The following COG5 variants were observed in gnomAD, a reference collection of about 807,000 sequenced individuals.
COG5 encodes the protein component of oligomeric golgi complex 5.
COG5 carries 86 observed loss-of-function variants against 110.4 expected under a neutral mutation model. That is an observed-to-expected ratio of 0.78 (90% CI 0.65 to 0.93). The LOEUF (loss-of-function observed/expected upper bound fraction) is 0.93. Ranked by LOEUF, COG5 falls within the 40% of genes least tolerant of loss-of-function variation. The pLI is 0.00. For missense variants in COG5, 1,077 were observed against 987.0 expected, an observed-to-expected ratio of 1.09 and a Z score of -1.22; for synonymous variants, 360 against 334.6, an observed-to-expected ratio of 1.08 and a Z score of -0.83.
At chr7:107,265,817 G>T (rs1221483625) in intron 14 of COG5, among the ~76,000 whole-genome samples, 1 of 152,140 alleles carries the variant, frequency 6.6e-6, no homozygotes, top group Non-Finnish European at 1.5e-5. Flanking sequence ...CACTTTAGGA[G>T]GCTGAAGTGG....
chr7:107,320,035 C>T (rs1380770295), intron 11 of COG5, among the ~76,000 whole-genome samples: 1 of 152,090 alleles, frequency 6.6e-6, no homozygotes, highest in Non-Finnish European at 1.5e-5. Flanking sequence ...AGAGTGAACA[C>T]TCTGATGTTG....
intron 10 of COG5, among the ~76,000 whole-genome samples, chr7:107,328,959 TA>T (rs1178845024): frequency 3.9e-5 from 6 of 152,132 alleles, no homozygotes; most frequent in African/African-American, 1.4e-4. Flanking sequence ...TACCTGGGAC[TA>T]CAGGCACACG....
rs891387860 is a variant in COG5 at position 107,450,855 on chromosome 7, A to G, written c.539-38223T>C. On this transcript the variant is annotated intron_variant, in intron 6 of 21. Transcript: ENST00000297135. The stretch of plus-strand genomic sequence containing the variant: ...CCCTGAAGTCAGTACCTTGCCTTAA[A>G]GTTATTTTGATATCAGACAACGCCC... 2.0e-5 allele frequency among the ~76,000 whole-genome samples: 3 copies of G among 152,150 alleles called. No homozygotes were observed. The East Asian group carries it at 5.8e-4, about 29-fold the overall frequency.
chr7:107,277,920 C>T (rs187397753), intron 14 of COG5, among the ~76,000 whole-genome samples: 208 of 151,960 alleles, frequency 1.4e-3, no homozygotes, highest in Non-Finnish European at 2.3e-3. Flanking sequence ...AAGTATATAA[C>T]GCACTCTATA....
At chr7:107,492,133 A>G (rs2129128870) in intron 6 of COG5, among the ~76,000 whole-genome samples, 1 of 151,912 alleles carries the variant, frequency 6.6e-6, no homozygotes, top group South Asian at 2.1e-4. Flanking sequence ...AAGAGCCAAA[A>G]CATAGTAAAC....
intron 6 of COG5, among the ~76,000 whole-genome samples, chr7:107,463,275 T>C (rs1796110403): frequency 6.6e-6 from 1 of 152,240 alleles, no homozygotes; most frequent in African/African-American, 2.4e-5. Context: ...AAGCTGTATC[T>C]GCCTTTTCAA....
chr7:107,483,666 T>C (rs1027998511), intron 6 of COG5, among the ~76,000 whole-genome samples: 2 of 151,018 alleles, frequency 1.3e-5, no homozygotes, highest in Non-Finnish European at 2.9e-5. Flanking sequence ...ATCGCACCAT[T>C]GCACTCCAGC....
chr7:107,389,551 G>C (rs1790460965), intron 7 of COG5, among the ~76,000 whole-genome samples: 1 of 152,182 alleles, frequency 6.6e-6, no homozygotes, highest in Non-Finnish European at 1.5e-5. Context: ...CTGTGCTAAA[G>C]GACAAAGCTG....
intron 6 of COG5, among the ~76,000 whole-genome samples, chr7:107,452,886 G>T (rs1795427479): frequency 1.3e-5 from 2 of 152,146 alleles, no homozygotes; most frequent in South Asian, 4.1e-4. Flanking sequence ...AAATACTTGA[G>T]TATTCTTCAT....
In COG5 at chr7:107,361,625, GACCTCAGCTC is replaced by G. The variant is rs562718662; in HGVS notation, c.1026+398_1026+407del. On this transcript the variant is annotated intron_variant, in intron 10 of 21. Transcript: ENST00000297135. The stretch of plus-strand genomic sequence containing the variant: ...CGCCGAGGCTGGAGTGCAGTGGCGT[GACCTCAGCTC>G]ACTGCAACCTCTGCCTCCTGGTTTG... 3.9e-4 allele frequency among the ~76,000 whole-genome samples: 60 copies of G among 152,316 alleles called. 1 individual carries two copies. The South Asian group carries it at 0.012, about 30-fold the overall frequency.
chr7:107,224,205 G>C (rs1255374410), intron 19 of COG5, among the ~76,000 whole-genome samples: 7 of 152,138 alleles, frequency 4.6e-5, no homozygotes, highest in African/African-American at 1.7e-4. Context: ...GAGGGTCTTA[G>C]TGTTAAAGGT....
At chr7:107,272,768 T>C (rs542112668) in intron 14 of COG5, among the ~76,000 whole-genome samples, 1 of 152,298 alleles carries the variant, frequency 6.6e-6, no homozygotes, top group South Asian at 2.1e-4. Context: ...TTAATTCCCA[T>C]TACAGCGAGA....
At chr7:107,210,125 G>A (rs1799058520) in intron 21 of COG5, 7 of 1,061,996 alleles carry the variant, frequency 6.6e-6, no homozygotes, top group South Asian at 3.4e-5. Flanking sequence ...GAACTGTTTC[G>A]CACTTGGGTA....
At chr7:107,260,884 C>T (rs1244376078) in intron 14 of COG5, among the ~76,000 whole-genome samples, 1 of 151,984 alleles carries the variant, frequency 6.6e-6, no homozygotes, top group Non-Finnish European at 1.5e-5. Flanking sequence ...CAGTCCAAGT[C>T]CAATAGTTAG....
intron 14 of COG5, 57 bp from the exon 15 acceptor site, chr7:107,258,440 T>G (rs575105844): frequency 1.1e-6 from 1 of 933,988 alleles, no homozygotes; most frequent in Admixed American, 1.7e-5. Context: ...TCTCTCTCTC[T>G]CTCTCTCTCT....
chr7:107,281,131 TAAC>T (rs1404237568), intron 14 of COG5, among the ~76,000 whole-genome samples, 166 bp downstream of exon 14: 1 of 152,068 alleles, frequency 6.6e-6, no homozygotes, highest in African/African-American at 2.4e-5. Flanking sequence ...ATTTTTTTGT[TAAC>T]AAATTTTTTT....
intron 5 of COG5, among the ~76,000 whole-genome samples, chr7:107,531,142 A>T (rs934971820): frequency 1.3e-5 from 2 of 151,450 alleles, no homozygotes; most frequent in Admixed American, 1.3e-4. Flanking sequence ...TTTTCATTGC[A>T]ATTTGTTGAA....
chr7:107,222,497 C>G (rs1288957030), intron 19 of COG5, among the ~76,000 whole-genome samples: 2 of 152,210 alleles, frequency 1.3e-5, no homozygotes, highest in East Asian at 3.9e-4. Flanking sequence ...AGCCACCACG[C>G]CCAGCCTCAC....
chr7:107,320,631 G>T (rs1226277884), intron 11 of COG5, among the ~76,000 whole-genome samples: 1 of 152,178 alleles, frequency 6.6e-6, no homozygotes, highest in East Asian at 1.9e-4. Flanking sequence ...GGTTGCAATT[G>T]CAGGTTAGGT....
Sources: gnomAD v4.1 joint callset for allele counts (sites outside exome capture counted in the v4.1 genomes callset) on GRCh38, gnomAD v4.1.1 for gene constraint, MANE v1.5 for transcripts, NCBI Gene and HGNC (gene_info 2026-07-23, HGNC 2026-07-21) for gene names.